The following AGAP1 variants were observed in gnomAD, a reference collection of about 807,000 sequenced individuals.
AGAP1 encodes the protein ArfGAP with GTPase domain, ankyrin repeat and PH domain 1.
AGAP1 carries 29 observed loss-of-function variants against 105.3 expected under a neutral mutation model. The observed-to-expected ratio is 0.28, with a 90% CI of 0.21 to 0.38. AGAP1 has a LOEUF of 0.38. Among genes scored for constraint, AGAP1 ranks in the 10% least tolerant of loss-of-function variants. AGAP1 has a pLI of 1.00. For missense variants in AGAP1, 998 were observed against 1,165.1 expected (o/e 0.86, Z 2.09); for synonymous variants, 509 against 485.9 (o/e 1.05, Z -0.63).
At chr2:235,634,653 C>A (rs72988940) in intron 1 of AGAP1, among the ~76,000 whole-genome samples, 1 of 151,982 alleles carries the variant, frequency 6.6e-6, no homozygotes, top group Non-Finnish European at 1.5e-5. Context: ...TAAGTTCTTC[C>A]TCCACATTCC....
At chr2:235,808,576 G>T (rs564434228) in intron 9 of AGAP1, among the ~76,000 whole-genome samples, 59 of 152,242 alleles carry the variant, frequency 3.9e-4, no homozygotes, top group African/African-American at 1.1e-3. Flanking sequence ...AGGAACTACT[G>T]CAAAAACCAC....
chr2:235,591,587 AC>A (rs1410589365), intron 1 of AGAP1, among the ~76,000 whole-genome samples: 2 of 152,132 alleles, frequency 1.3e-5, no homozygotes, highest in Non-Finnish European at 2.9e-5. Flanking sequence ...GCCTGATGTC[AC>A]TGATGTGGTT....
chr2:235,563,950 G>C (rs1051616297), intron 1 of AGAP1, among the ~76,000 whole-genome samples: 2 of 152,106 alleles, frequency 1.3e-5, no homozygotes, highest in African/African-American at 2.4e-5. Flanking sequence ...TGGGTGGGGG[G>C]TGTGGACAGG....
Position 236,104,817 on chromosome 2 carries a change from G to A in AGAP1, c.2115-15375G>A, listed in dbSNP as rs903570351. ...GGCAGGCAGGAGAATCGCTTGAACC[G>A]GGACCCGGGAGGCGGAGGTAGCAGT... On this transcript the variant is annotated intron_variant, in intron 16 of 17. Transcript: ENST00000304032. The surrounding 1 kb of genome is among the most constrained non-coding windows in gnomAD (Gnocchi z 4.7). Among the ~76,000 whole-genome samples, 4 of 151,918 alleles carry A rather than the reference G, an allele frequency of 2.6e-5. No homozygotes were observed. Among genetic ancestry groups the A allele is most frequent in the Non-Finnish European group, 4.4e-5 (3 of 67,954 alleles).
chr2:236,112,787 T>C (rs1378435086), intron 16 of AGAP1, among the ~76,000 whole-genome samples: 1 of 152,232 alleles, frequency 6.6e-6, no homozygotes, highest in Non-Finnish European at 1.5e-5. Context: ...CATCCATCTT[T>C]TTCCAGAGAA....
In AGAP1 at chr2:236,000,058, C is replaced by G. The variant is rs2056048684; in HGVS notation, c.1645+31435C>G. Among the ~76,000 whole-genome samples, 1 of 152,120 alleles carries G rather than the reference C, an allele frequency of 6.6e-6. No individual in the cohort carries two copies. The highest frequency in any genetic ancestry group is 1.5e-5 in the Non-Finnish European group (1 of 68,024). The stretch of plus-strand genomic sequence containing the variant: ...CTAGACCAGTGTCCTCACGTGCAGG[C>G]GTCCTCGAAGGTTTGTTTGTTAGTA... On this transcript the variant is annotated intron_variant, in intron 13 of 17. Transcript: ENST00000304032. The surrounding 1 kb of genome is among the most constrained non-coding windows in gnomAD (Gnocchi z 4.3).
chr2:235,511,112 C>T (rs1418596540), intron 1 of AGAP1, among the ~76,000 whole-genome samples: 2 of 152,102 alleles, frequency 1.3e-5, no homozygotes, highest in Non-Finnish European at 2.9e-5. Flanking sequence ...GTTACTGGCA[C>T]GTGGCAGGTG....
intron 9 of AGAP1, among the ~76,000 whole-genome samples, chr2:235,850,011 G>A (rs890136310): frequency 3.3e-5 from 5 of 152,186 alleles, no homozygotes; most frequent in African/African-American, 1.2e-4. Flanking sequence ...CAGAGGAAAG[G>A]TAGGGAGGAG....
chr2:235,647,113 T>G (rs1425289898), intron 1 of AGAP1, among the ~76,000 whole-genome samples: 1 of 126,488 alleles, frequency 7.9e-6, no homozygotes, highest in African/African-American at 3.5e-5. Context: ...CACCCGAGAC[T>G]CCGTCTCAAA....
intron 6 of AGAP1, among the ~76,000 whole-genome samples, chr2:235,791,615 A>G (rs906097670): frequency 2.6e-5 from 4 of 151,926 alleles, no homozygotes; most frequent in African/African-American, 9.7e-5. Context: ...ATCTTGGCTC[A>G]CGGCTCACTG....
At chr2:236,065,568 G>A (rs1269161740) in intron 16 of AGAP1, among the ~76,000 whole-genome samples, 1 of 152,194 alleles carries the variant, frequency 6.6e-6, no homozygotes, top group Non-Finnish European at 1.5e-5. Flanking sequence ...GGTGATTATC[G>A]AAAGGGAGGC....
Position 235,908,154 on chromosome 2 carries a change from G to A in AGAP1, c.1156-584G>A, listed in dbSNP as rs1464550221. On this transcript the variant is annotated intron_variant, in intron 10 of 17. Coordinates refer to ENST00000304032, the MANE Select transcript of AGAP1 (RefSeq NM_001037131.3). The surrounding 1 kb of genome is among the most constrained non-coding windows in gnomAD (Gnocchi z 4.4). ...TGCCAGAGAGCAGTCACTGTCCACCGAGGCTTCCCTGTAGTTCTCTGATTG... is the reference window on the plus strand; with the variant it reads ...TGCCAGAGAGCAGTCACTGTCCACCAAGGCTTCCCTGTAGTTCTCTGATTG... Among the ~76,000 whole-genome samples the A allele has an allele frequency of 2.0e-5, 3 of 152,260 alleles. No homozygotes were observed. Among genetic ancestry groups the A allele is most frequent in the East Asian group, 1.9e-4 (1 of 5,168 alleles).
At chr2:235,819,222 C>G (rs965743205) in intron 9 of AGAP1, among the ~76,000 whole-genome samples, 1 of 150,536 alleles carries the variant, frequency 6.6e-6, no homozygotes, top group African/African-American at 2.4e-5. Flanking sequence ...TTGAATTGAT[C>G]CTCATAACAG....
In AGAP1 at chr2:235,691,020, C is replaced by A. The variant is rs1004144693; in HGVS notation, c.164-18159C>A. Among the ~76,000 whole-genome samples the A allele has an allele frequency of 6.6e-6, 1 of 152,124 alleles. No homozygotes were observed. The highest frequency in any genetic ancestry group is 2.4e-5 in the African/African-American group (1 of 41,444). ...CTCCAATTAGGCTATGAGCCTGTAT[C>A]TTAGAACACTCAGATTAGTGTGCCT... On this transcript the variant is annotated intron_variant, in intron 1 of 17. Coordinates refer to ENST00000304032, the MANE Select transcript of AGAP1 (RefSeq NM_001037131.3). This position sits in a 1 kb window ranked among gnomAD's most constrained non-coding sequence, Gnocchi z 4.4.
In AGAP1 at chr2:235,712,176, C is replaced by T. The variant is rs1462923707; in HGVS notation, c.222+2939C>T. On this transcript the variant is annotated intron_variant, in intron 2 of 17. Coordinates refer to ENST00000304032, the MANE Select transcript of AGAP1 (RefSeq NM_001037131.3). The surrounding 1 kb of genome is among the most constrained non-coding windows in gnomAD (Gnocchi z 6.0). ...TAGCTGGGATGACAGGCACCCACCA[C>T]CACATCTGGCTAATTTTTTATTTTT... 1.3e-5 allele frequency among the ~76,000 whole-genome samples: 2 copies of T among 152,206 alleles called. No individual in the cohort carries two copies. The highest frequency in any genetic ancestry group is 4.8e-5 in the African/African-American group (2 of 41,450).
In AGAP1 at chr2:236,045,089, A is replaced by C. The variant is rs1311584145; in HGVS notation, c.1892-3970A>C. Among the ~76,000 whole-genome samples, 1 of 151,874 alleles carries C rather than the reference A, an allele frequency of 6.6e-6. No homozygotes were observed. The highest frequency in any genetic ancestry group is 1.5e-5 in the Non-Finnish European group (1 of 67,982). On this transcript the variant is annotated intron_variant, in intron 15 of 17. Transcript: ENST00000304032. The surrounding 1 kb of genome is among the most constrained non-coding windows in gnomAD (Gnocchi z 6.9). Reference sequence around the variant, plus strand: ...GCCACCACGCCGACCTGATTTTTTAAATTTTTTGTAGAGAGGTAGTCTCAC... The same window carrying C: ...GCCACCACGCCGACCTGATTTTTTACATTTTTTGTAGAGAGGTAGTCTCAC...
In AGAP1 at chr2:235,612,754, A is replaced by G. The variant is rs372465807; in HGVS notation, c.164-96425A>G. 1.3e-5 allele frequency among the ~76,000 whole-genome samples: 2 copies of G among 152,238 alleles called. No homozygotes were observed. The highest frequency in any genetic ancestry group is 4.8e-5 in the African/African-American group (2 of 41,560). On this transcript the variant is annotated intron_variant, in intron 1 of 17. Coordinates refer to ENST00000304032, the MANE Select transcript of AGAP1 (RefSeq NM_001037131.3). This position sits in a 1 kb window ranked among gnomAD's most constrained non-coding sequence, Gnocchi z 4.3. The stretch of plus-strand genomic sequence containing the variant: ...TGTGCTGAGTGCCACCTGGGCTTGC[A>G]TGCCGGACGCATACCTGGCACCTGC...
At chr2:235,940,785 A>C (rs1311169722) in intron 12 of AGAP1, among the ~76,000 whole-genome samples, 1 of 152,156 alleles carries the variant, frequency 6.6e-6, no homozygotes, top group African/African-American at 2.4e-5. Context: ...TTCTGCAGTA[A>C]TTCTAACTCC....
At position 235,715,145 on chromosome 2, in the gene AGAP1, G is replaced by A. The variant is rs145087522; in HGVS notation, c.223-2412G>A. On this transcript the variant is annotated intron_variant, in intron 2 of 17. Coordinates refer to ENST00000304032, the MANE Select transcript of AGAP1 (RefSeq NM_001037131.3). ...TGGCTTCATCATCTACTTAACCAAC[G>A]TTCCTTCCTCCCTCCTGTCTCTCCT... Among the ~76,000 whole-genome samples, 307 of 152,222 alleles carry A rather than the reference G, an allele frequency of 2.0e-3. 1 individual carries two copies. Among genetic ancestry groups the A allele is most frequent in the African/African-American group, 7.0e-3 (289 of 41,536 alleles).
Sources: gnomAD v4.1 joint callset for allele counts (sites outside exome capture counted in the v4.1 genomes callset) on GRCh38, gnomAD v4.1.1 for gene constraint, Gnocchi (gnomAD v3.1) non-coding constraint, MANE v1.5 for transcripts, NCBI Gene and HGNC (gene_info 2026-07-23, HGNC 2026-07-21) for gene names.